The following RIC1 variants were observed in gnomAD, a reference collection of about 807,000 sequenced individuals.
The protein encoded by RIC1 is RIC1 partner of RAB6A GEF complex.
RIC1 carries 88 observed loss-of-function variants against 169.0 expected under a neutral mutation model. The observed-to-expected ratio is 0.52, with a 90% CI of 0.44 to 0.62. The LOEUF (loss-of-function observed/expected upper bound fraction) is 0.62, where lower values mean the gene tolerates loss of function less well. Among genes scored for constraint, RIC1 ranks in the 20% least tolerant of loss-of-function variants. The pLI is 0.00. For synonymous variants in RIC1, 790 were observed against 601.5 expected (o/e 1.31, Z -4.59); for missense variants, 1,877 against 1,725.5 (o/e 1.09, Z -1.56).
At chr9:5,700,939 A>G (rs965175585) in intron 3 of RIC1, among the ~76,000 whole-genome samples, 16 of 152,052 alleles carry the variant, frequency 1.1e-4, no homozygotes, top group African/African-American at 2.9e-4. Context: ...CTGCTTCCCT[A>G]CTCTTCACAT....
chr9:5,705,212 T>A (rs527267206), intron 3 of RIC1, among the ~76,000 whole-genome samples: 11 of 150,042 alleles, frequency 7.3e-5, no homozygotes, highest in Middle Eastern at 3.4e-3. Context: ...TTTTTTTTTT[T>A]AAAAGAACAT....
chr9:5,642,690 T>C (rs1818310145), intron 1 of RIC1, among the ~76,000 whole-genome samples: 1 of 144,810 alleles, frequency 6.9e-6, no homozygotes, highest in African/African-American at 2.8e-5. Flanking sequence ...AGGGCCATAG[T>C]GGGTTCTGCC....
At position 5,713,932 on chromosome 9, in the gene RIC1, G is replaced by A. The variant is rs750355945; in HGVS notation, c.369G>A (p.Lys123=). ...SPQMKGTPHF[K]EEQCAPALNL... is the part of the protein sequence containing the mutation. ...AAATGAAGGGGACACCCCATTTTAA[G>A]GAAGAACAGTGTGCTCCAGCATTAA... Residue 123 remains lysine (K), a synonymous_variant, in exon 4 of 26, where the codon AAG becomes AAA. Transcript: ENST00000414202. The A allele has an allele frequency of 1.2e-6, 2 of 1,613,044 alleles. No individual in the cohort carries two copies. The highest frequency in any genetic ancestry group is 1.3e-5 in the African/African-American group (1 of 74,878).
chr9:5,754,366 G>T (rs1479435838), intron 14 of RIC1, among the ~76,000 whole-genome samples: 1 of 152,136 alleles, frequency 6.6e-6, no homozygotes, highest in African/African-American at 2.4e-5. Context: ...TTATAAATAG[G>T]ATATGGATCA....
intron 11 of RIC1, 21 bp downstream of exon 11, chr9:5,746,104 G>T: frequency 6.3e-7 from 1 of 1,578,260 alleles, no homozygotes; most frequent in Non-Finnish European, 8.7e-7. Context: ...TTAAAGCTCT[G>T]ATTTTTTAGT....
intron 2 of RIC1, among the ~76,000 whole-genome samples, chr9:5,686,111 A>C (rs1054805776): frequency 9.2e-5 from 14 of 151,432 alleles, no homozygotes; most frequent in Non-Finnish European, 1.8e-4. Flanking sequence ...GGCAATCATT[A>C]AAAAGTCAGG....
At chr9:5,652,763 A>T (rs1038243849) in intron 1 of RIC1, among the ~76,000 whole-genome samples, 4 of 151,988 alleles carry the variant, frequency 2.6e-5, no homozygotes, top group Non-Finnish European at 2.9e-5. Context: ...GTGGTGAAAG[A>T]TAGTATCCTT....
At chr9:5,678,493 A>T (rs1820596276) in intron 2 of RIC1, among the ~76,000 whole-genome samples, 1 of 151,826 alleles carries the variant, frequency 6.6e-6, no homozygotes, top group Middle Eastern at 3.4e-3. Context: ...ATTTCTCCAC[A>T]TCCTCTCCAG....
At chr9:5,731,051 T>C (rs1408893860) in intron 6 of RIC1, among the ~76,000 whole-genome samples, 1 of 152,184 alleles carries the variant, frequency 6.6e-6, no homozygotes, top group Non-Finnish European at 1.5e-5. Context: ...CTGTTTAATA[T>C]TACATCCTTC....
chr9:5,673,699 G>C (rs1420467331), intron 2 of RIC1, among the ~76,000 whole-genome samples: 1 of 151,512 alleles, frequency 6.6e-6, no homozygotes, highest in Non-Finnish European at 1.5e-5. Context: ...GAATGTGGAA[G>C]AACAGTCAGA....
intron 25 of RIC1, 36 bp downstream of exon 25, chr9:5,773,116 A>G: frequency 1.4e-6 from 2 of 1,447,332 alleles, no homozygotes; most frequent in Non-Finnish European, 9.3e-7. Context: ...GTGTCCTTCC[A>G]TGTCTTTTGG....
At chr9:5,662,501 T>C (rs1819515535) in intron 2 of RIC1, among the ~76,000 whole-genome samples, 1 of 151,716 alleles carries the variant, frequency 6.6e-6, no homozygotes, top group Non-Finnish European at 1.5e-5. Context: ...TCTTTATTAC[T>C]TCTCAATTTC....
intron 2 of RIC1, among the ~76,000 whole-genome samples, chr9:5,665,584 C>G (rs1819705833): frequency 6.6e-6 from 1 of 152,080 alleles, no homozygotes; most frequent in Admixed American, 6.6e-5. Context: ...GCTTATCTGC[C>G]TTTGATCTTT....
intron 7 of RIC1, 27 bp from the exon 8 acceptor site, chr9:5,738,422 TA>T: frequency 1.3e-6 from 2 of 1,495,230 alleles, no homozygotes; most frequent in African/African-American, 2.8e-5. Flanking sequence ...CTTTTTTCAC[TA>T]AAAGTTTTTC....
intron 22 of RIC1, among the ~76,000 whole-genome samples, 175 bp from the exon 23 acceptor site, chr9:5,769,912 C>A (rs946314982): frequency 1.3e-5 from 2 of 152,182 alleles, no homozygotes; most frequent in South Asian, 2.1e-4. Flanking sequence ...TCCATTGTTA[C>A]ACAATCCCAT....
At position 5,629,283 on chromosome 9, in the gene RIC1, G is replaced by C. The variant is rs1233999874; in HGVS notation, c.-27G>C. On this transcript the variant is annotated 5_prime_UTR_variant, in exon 1 of 26. Coordinates refer to ENST00000414202, the MANE Select transcript of RIC1 (RefSeq NM_020829.4). ...GCCGCTGAGTGTGACGGACGCAACT[G>C]GGGGCGCCGGGGGCTCCGCACGGAC... The C allele has an allele frequency of 6.8e-7, 1 of 1,465,728 alleles. No homozygotes were observed. The highest frequency in any genetic ancestry group is 1.3e-5 in the South Asian group (1 of 77,680). The allele number at this position is 1,465,728 out of a possible 1,614,324, so 90.8% of individuals were successfully genotyped here.
chr9:5,729,356 T>C (rs1824213482), intron 6 of RIC1, among the ~76,000 whole-genome samples: 1 of 152,260 alleles, frequency 6.6e-6, no homozygotes, highest in South Asian at 2.1e-4. Context: ...CTTCTTTAAG[T>C]AGGTTTTGAA....
intron 22 of RIC1, 169 bp downstream of exon 22, chr9:5,769,425 A>T (rs1468534425): frequency 2.3e-5 from 35 of 1,537,978 alleles, no homozygotes; most frequent in Non-Finnish European, 3.0e-5. Context: ...TTGACCAAAG[A>T]TGTAAATAAA....
chr9:5,707,208 T>C (rs1822644660), intron 3 of RIC1, among the ~76,000 whole-genome samples: 1 of 152,194 alleles, frequency 6.6e-6, no homozygotes, highest in South Asian at 2.1e-4. Context: ...TTTCTTTTAC[T>C]GATTTTTAGT....
Sources: allele counts gnomAD v4.1 joint callset (sites outside exome capture counted in the v4.1 genomes callset), GRCh38; gene constraint gnomAD v4.1.1; transcripts MANE v1.5; gene names NCBI Gene and HGNC (gene_info 2026-07-23, HGNC 2026-07-21).